The following ANGPT1 variants were observed in gnomAD, a reference collection of about 807,000 sequenced individuals.
ANGPT1 encodes the protein angiopoietin-1.
A neutral mutation model predicts 62.2 loss-of-function variants in ANGPT1; 17 were observed. That is an observed-to-expected ratio of 0.27 (90% CI 0.19 to 0.41). The LOEUF is 0.41. Ranked by LOEUF, ANGPT1 falls within the 10% of genes least tolerant of loss-of-function variation. The probability of loss-of-function intolerance (pLI) is 1.00; values close to 1 mark genes in which losing one functional copy is unlikely to be tolerated. For missense variants in ANGPT1, 478 were observed against 594.9 expected (o/e 0.80, Z 2.04); for synonymous variants, 199 against 198.9 (o/e 1.00, Z 0.00).
chr8:107,269,842 G>A (rs1250001687), intron 7 of ANGPT1, among the ~76,000 whole-genome samples: 2 of 109,956 alleles, frequency 1.8e-5, no homozygotes, highest in South Asian at 6.5e-4. Flanking sequence ...GAGTCCCTTC[G>A]ACGGATGACT....
intron 1 of ANGPT1, among the ~76,000 whole-genome samples, chr8:107,458,469 C>T (rs1039052806): frequency 1.3e-5 from 2 of 151,810 alleles, no homozygotes; most frequent in African/African-American, 2.4e-5. Flanking sequence ...TAGAAGTATA[C>T]TAAAGTATAA....
chr8:107,464,208 G>T (rs572942609), intron 1 of ANGPT1, among the ~76,000 whole-genome samples: 2 of 152,206 alleles, frequency 1.3e-5, no homozygotes, highest in African/African-American at 2.4e-5. Flanking sequence ...TTCACATGAG[G>T]ATTAGAGGAG....
chr8:107,456,011 A>G (rs539275310), intron 1 of ANGPT1, among the ~76,000 whole-genome samples: 102 of 152,174 alleles, frequency 6.7e-4, no homozygotes, highest in African/African-American at 2.3e-3. Flanking sequence ...TGTGAAATGT[A>G]CCTCGGAGAT....
At chr8:107,282,628 G>T (rs1382876703) in intron 7 of ANGPT1, among the ~76,000 whole-genome samples, 2 of 126,776 alleles carry the variant, frequency 1.6e-5, no homozygotes, top group Non-Finnish European at 3.2e-5. Context: ...AAAACCAGAG[G>T]TTTGAAATTA....
In ANGPT1 at chr8:107,465,682, A is replaced by G. The variant is rs1229172569; in HGVS notation, c.297+31580T>C. ...AAGTAAATGCAAAATAGTACTAAAT[A>G]GCATCCCTCAAGATTATAGCCATAT... On this transcript the variant is annotated intron_variant, in intron 1 of 8. Transcript: ENST00000517746. 2.6e-5 allele frequency among the ~76,000 whole-genome samples: 4 copies of G among 152,308 alleles called. No homozygotes were observed. In the South Asian group the frequency reaches 8.3e-4, roughly 32 times the overall value.
At chr8:107,392,141 T>G (rs12680836) in intron 1 of ANGPT1, among the ~76,000 whole-genome samples, 1 of 152,200 alleles carries the variant, frequency 6.6e-6, no homozygotes, top group East Asian at 1.9e-4. Context: ...TTTATACATA[T>G]AAATATTTGT....
At chr8:107,315,141 G>A (rs1312869663) in intron 4 of ANGPT1, among the ~76,000 whole-genome samples, 1 of 152,104 alleles carries the variant, frequency 6.6e-6, no homozygotes, top group African/African-American at 2.4e-5. Context: ...ACTGCAATCA[G>A]CTTCTGGGAA....
intron 1 of ANGPT1, among the ~76,000 whole-genome samples, chr8:107,470,933 T>C (rs964721729): frequency 1.3e-5 from 2 of 152,138 alleles, no homozygotes; most frequent in Non-Finnish European, 2.9e-5. Context: ...TAGGAACACT[T>C]TTACACTGTT....
At position 107,282,935 on chromosome 8, in the gene ANGPT1, C is replaced by T. The variant is rs73701021; in HGVS notation, c.1205+1747G>A. ...AAGTGCACCACAGATGCCAACAATC[C>T]TCCTAACCCTGCCCCAACACTCTGT... On this transcript the variant is annotated intron_variant, in intron 7 of 8. Transcript: ENST00000517746. 9.4e-3 allele frequency among the ~76,000 whole-genome samples: 1,431 copies of T among 151,920 alleles called. 21 individuals are homozygous for T. Among genetic ancestry groups the T allele is most frequent in the African/African-American group, 0.033 (1,361 of 41,418 alleles).
intron 2 of ANGPT1, among the ~76,000 whole-genome samples, chr8:107,341,099 T>C (rs886279157): frequency 4.6e-5 from 7 of 152,192 alleles, no homozygotes; most frequent in Admixed American, 3.3e-4. Context: ...TGCAGTGATA[T>C]GGAGGTTATA....
intron 7 of ANGPT1, among the ~76,000 whole-genome samples, chr8:107,274,676 G>C (rs1200896961): frequency 1.3e-5 from 2 of 152,000 alleles, no homozygotes; most frequent in Non-Finnish European, 2.9e-5. Context: ...TAAACCTTTG[G>C]AGGCAGGATT....
rs1039400306 is a variant in ANGPT1 at position 107,314,156 on chromosome 8, C to T, written c.808+7740G>A. 3.9e-5 allele frequency among the ~76,000 whole-genome samples: 6 copies of T among 152,148 alleles called. No individual in the cohort carries two copies. The East Asian group carries it at 7.7e-4, about 20-fold the overall frequency. On this transcript the variant is annotated intron_variant, in intron 4 of 8. Transcript: ENST00000517746. The stretch of plus-strand genomic sequence containing the variant: ...TCTATTCAAACTATCTGTGCTCCTT[C>T]GCTTTAGCCAACCAGGCTATGAAAG...
chr8:107,251,812 G>C lies in ANGPT1; in HGVS notation c.*43C>G, dbSNP rs181729444. Reference sequence around the variant, plus strand: ...CAGTTTCTCACCTGGCAGCTTCTCCGGATTTCTTTGTTGCTTTCATAATCG... The same window carrying C: ...CAGTTTCTCACCTGGCAGCTTCTCCCGATTTCTTTGTTGCTTTCATAATCG... On this transcript the variant is annotated 3_prime_UTR_variant, in exon 9 of 9. Coordinates refer to ENST00000517746, the MANE Select transcript of ANGPT1 (RefSeq NM_001146.5). 6.2e-7 allele frequency: 1 copy of C among 1,607,184 alleles called. No individual in the cohort carries two copies. Among genetic ancestry groups the C allele is most frequent in the Admixed American group, 1.7e-5 (1 of 59,410 alleles).
At chr8:107,375,111 G>C (rs1269282263) in intron 1 of ANGPT1, among the ~76,000 whole-genome samples, 1 of 152,104 alleles carries the variant, frequency 6.6e-6, no homozygotes, top group Non-Finnish European at 1.5e-5. Context: ...AGTGAGCCGA[G>C]ATCATGCCAC....
intron 1 of ANGPT1, among the ~76,000 whole-genome samples, chr8:107,463,326 C>G (rs1179173833): frequency 6.6e-6 from 1 of 152,062 alleles, no homozygotes; most frequent in Non-Finnish European, 1.5e-5. Context: ...TGATTATGGC[C>G]TCTGAGAGAC....
chr8:107,356,889 C>T (rs1816058211), intron 1 of ANGPT1, among the ~76,000 whole-genome samples: 1 of 152,166 alleles, frequency 6.6e-6, no homozygotes, highest in Non-Finnish European at 1.5e-5. Flanking sequence ...TTTCTGTGCA[C>T]TTTACCATAT....
intron 4 of ANGPT1, among the ~76,000 whole-genome samples, chr8:107,316,956 AACT>A (rs1815027913): frequency 6.6e-6 from 1 of 152,204 alleles, no homozygotes; most frequent in Non-Finnish European, 1.5e-5. Flanking sequence ...TAGACATGGT[AACT>A]CCCTCATGTT....
intron 1 of ANGPT1, among the ~76,000 whole-genome samples, chr8:107,347,961 G>A (rs758111843): frequency 2.0e-4 from 31 of 152,130 alleles, no homozygotes; most frequent in Non-Finnish European, 3.7e-4. Flanking sequence ...GGAAAATAAA[G>A]CTGAACATAT....
intron 7 of ANGPT1, among the ~76,000 whole-genome samples, chr8:107,275,344 A>C (rs927367961): frequency 1.3e-5 from 2 of 152,032 alleles, no homozygotes; most frequent in South Asian, 2.1e-4. Flanking sequence ...GCAACAGTTA[A>C]CCACTTGTAG....
Sources: gnomAD v4.1 joint callset for allele counts (sites outside exome capture counted in the v4.1 genomes callset) on GRCh38, gnomAD v4.1.1 for gene constraint, MANE v1.5 for transcripts, NCBI Gene and HGNC (gene_info 2026-07-23, HGNC 2026-07-21) for gene names.